MYBPC1: variants seen among roughly 807,000 people sequenced by gnomAD.
The protein encoded by MYBPC1 is myosin binding protein C1, also known as myosin-binding protein C, slow-type.
In MYBPC1, 52 loss-of-function variants were observed where a neutral mutation model predicts 147.1. That is an observed-to-expected ratio of 0.35 (90% CI 0.28 to 0.45). The LOEUF (loss-of-function observed/expected upper bound fraction) is 0.45, where lower values mean the gene tolerates loss of function less well. Among genes scored for constraint, MYBPC1 ranks in the 20% least tolerant of loss-of-function variants. MYBPC1 has a pLI of 1.00. For synonymous variants in MYBPC1, 477 were observed against 475.9 expected (o/e 1.00, Z -0.03); for missense variants, 1,228 against 1,440.3 (o/e 0.85, Z 2.39).
chr12:101,686,928 T>A (rs1951356060), downstream of MYBPC1, among the ~76,000 whole-genome samples: 1 of 152,192 alleles, frequency 6.6e-6, no homozygotes, highest in Non-Finnish European at 1.5e-5. Flanking sequence ...GTTGGTGATG[T>A]TGCCTTACTG....
Position 101,629,461 on chromosome 12 carries a change from G to C in MYBPC1, c.206G>C (p.Gly69Ala), listed in dbSNP as rs754347836. The change falls in exon 6 of 32, where the codon GGG (glycine) becomes GCG (alanine). Residue 69 changes from glycine to alanine, a missense_variant. Transcript: ENST00000361466. ...TGGACCCTTGTCGAAACTCCTCCTG[G>C]GGAGGAACAAGCCAAGCAGAATGCC... Reference protein sequence around the residue: ...SDWTLVETPPGEEQAKQNANS... With the variant: ...SDWTLVETPPAEEQAKQNANS... 1.5e-5 allele frequency: 24 copies of C among 1,613,172 alleles called. No homozygotes were observed. Among genetic ancestry groups the C allele is most frequent in the Non-Finnish European group, 2.0e-5 (24 of 1,179,266 alleles).
the MYBPC1 span, among the ~76,000 whole-genome samples, chr12:101,694,409 CA>C: frequency 2.0e-5 from 3 of 152,166 alleles, no homozygotes; most frequent in Non-Finnish European, 1.5e-5. Context: ...GCCCCTGCTC[CA>C]CCCCCAATTC....
At chr12:101,676,432 C>T (rs1032670036) in intron 26 of MYBPC1, among the ~76,000 whole-genome samples, 36 of 152,072 alleles carry the variant, frequency 2.4e-4, no homozygotes, top group African/African-American at 8.4e-4. Flanking sequence ...GAACAAGACT[C>T]CATCTCAAAA....
chr12:101,594,972 TCA>T lies in MYBPC1; in HGVS notation c.-95_-94del. On this transcript the variant is annotated 5_prime_UTR_variant, in exon 1 of 32. Coordinates refer to ENST00000361466, the MANE Select transcript of MYBPC1 (RefSeq NM_002465.4). ...CACTGGGTTTCTCCCCAACTGCTTG[TCA>T]CACCGACCTGCACCATCTCTCGCCT... is the stretch of plus-strand genomic sequence containing the variant. 8.5e-7 allele frequency: 1 copy of T among 1,173,820 alleles called. No homozygotes were observed. Among genetic ancestry groups the T allele is most frequent in the Non-Finnish European group, 1.3e-6 (1 of 793,178 alleles). 72.7% of individuals were successfully genotyped at this position (1,173,820 alleles called of 1,614,324 possible). A position where few individuals can be genotyped will look rare whatever the true frequency, so the allele number is the denominator to read the frequency against.
In MYBPC1 at chr12:101,651,251, A is replaced by C. The variant is rs1450198189; in HGVS notation, c.1384A>C (p.Thr462Pro). ...SVDLKPLKIL[T>P]PLTDQTVNLG... ...TACAGTGAAACCTCTGAAGATTTTG[A>C]CACCTCTGACTGATCAGACTGTAAA... The change falls in exon 16 of 32, where the codon ACA (threonine) becomes CCA (proline). Residue 462 changes from threonine to proline, a missense_variant. By Grantham distance (38) the Thr-to-Pro change is conservative. Transcript: ENST00000361466. 6.2e-7 allele frequency: 1 copy of C among 1,614,056 alleles called. No homozygotes were observed. The highest frequency in any genetic ancestry group is 1.1e-5 in the South Asian group (1 of 91,084).
the MYBPC1 span, among the ~76,000 whole-genome samples, chr12:101,692,457 C>T: frequency 6.6e-6 from 1 of 152,186 alleles, no homozygotes; most frequent in Admixed American, 6.5e-5. Context: ...AATCAGACTA[C>T]ACGGGCTTGA....
intron 1 of MYBPC1, among the ~76,000 whole-genome samples, chr12:101,602,827 AG>A (rs763763899): frequency 6.6e-6 from 1 of 152,220 alleles, no homozygotes; most frequent in Non-Finnish European, 1.5e-5. Context: ...ATCAAATAAA[AG>A]GTCTATACTC....
In MYBPC1 at chr12:101,631,572, T is replaced by C; in HGVS notation, c.291T>C (p.Gly97=). The C allele has an allele frequency of 6.2e-7, 1 of 1,613,956 alleles. No homozygotes were observed. Among genetic ancestry groups the C allele is most frequent in the South Asian group, 1.1e-5 (1 of 91,004 alleles). Residue 97 remains glycine (G), a splice_region_variant and synonymous_variant, in exon 7 of 32, where the codon GGT becomes GGC. Transcript: ENST00000361466. ...CTGAATCCCTTATGCTTCTTCTAGGTGAAGATATCACCTTCATAGCCAAAG... is the reference window on the plus strand; with the variant it reads ...CTGAATCCCTTATGCTTCTTCTAGGCGAAGATATCACCTTCATAGCCAAAG... ...EKPQGGTVKV[G]EDITFIAKVK...
In MYBPC1 at chr12:101,609,986, G is replaced by A. The variant is rs117485721; in HGVS notation, c.26-4510G>A. Among the ~76,000 whole-genome samples the A allele has an allele frequency of 4.4e-3, 664 of 152,248 alleles. 26 individuals carry two copies. Among genetic ancestry groups the A allele is most frequent in the Admixed American group, 0.035 (537 of 15,286 alleles). On this transcript the variant is annotated intron_variant, in intron 1 of 31. Coordinates refer to ENST00000361466, the MANE Select transcript of MYBPC1 (RefSeq NM_002465.4). The stretch of plus-strand genomic sequence containing the variant: ...ACATGTAAATTATTTTTAGAGAAGC[G>A]GGCAAAGCTAGCCATGACAGGACCT...
At chr12:101,602,063 T>C (rs1441840238) in intron 1 of MYBPC1, among the ~76,000 whole-genome samples, 1 of 152,204 alleles carries the variant, frequency 6.6e-6, no homozygotes. Context: ...TAGAACATTC[T>C]AGACAGCTCA....
chr12:101,678,362 G>A, intron 28 of MYBPC1, 124 bp downstream of exon 28: 1 of 1,329,408 alleles, frequency 7.5e-7, no homozygotes, highest in Non-Finnish European at 1.1e-6. Context: ...GGATTAGAAG[G>A]TGGTAGTGGT....
chr12:101,694,159 G>T, the MYBPC1 span, among the ~76,000 whole-genome samples: 123,064 of 152,186 alleles, frequency 0.81, 50,146 homozygotes, highest in African/African-American at 0.92. Context: ...CCCAGCTGTA[G>T]TCTAAAAAAT....
chr12:101,678,323 AGCT>A, intron 28 of MYBPC1, 85 bp downstream of exon 28: 1 of 1,562,846 alleles, frequency 6.4e-7, no homozygotes, highest in Non-Finnish European at 8.8e-7. Context: ...AAACAAATCC[AGCT>A]GCTACTTGTG....
At chr12:101,678,363 T>TG (rs1900513744) in intron 28 of MYBPC1, 125 bp downstream of exon 28, 2 of 1,330,620 alleles carry the variant, frequency 1.5e-6, no homozygotes. Flanking sequence ...GATTAGAAGG[T>TG]GGTAGTGGTG....
chr12:101,626,865 G>A lies in MYBPC1; in HGVS notation c.104-7G>A. 3 of 1,611,182 alleles carry A rather than the reference G, an allele frequency of 1.9e-6. No individual in the cohort carries two copies. Among genetic ancestry groups the A allele is most frequent in the Non-Finnish European group, 2.5e-6 (3 of 1,177,356 alleles). ...CCTTGACTTTTTACTCCTATTTCTTGTTTCAGATGAAGAGGAAGTCTCCCC... is the reference window on the plus strand; with the variant it reads ...CCTTGACTTTTTACTCCTATTTCTTATTTCAGATGAAGAGGAAGTCTCCCC... On this transcript the variant is annotated splice_polypyrimidine_tract_variant and splice_region_variant and intron_variant, in intron 3 of 31. Coordinates refer to ENST00000361466, the MANE Select transcript of MYBPC1 (RefSeq NM_002465.4).
At chr12:101,600,846 A>T (rs566298976) in intron 1 of MYBPC1, among the ~76,000 whole-genome samples, 1 of 152,362 alleles carries the variant, frequency 6.6e-6, no homozygotes, top group South Asian at 2.1e-4. Context: ...TAGATGATAA[A>T]GAACAGGATT....
chr12:101,648,604 T>C (rs1182502505), intron 14 of MYBPC1, among the ~76,000 whole-genome samples: 1 of 152,250 alleles, frequency 6.6e-6, no homozygotes, highest in Non-Finnish European at 1.5e-5. Context: ...GAAAAGTTTC[T>C]ATTTGATTTC....
At chr12:101,693,097 C>T in the MYBPC1 span, among the ~76,000 whole-genome samples, 4 of 152,096 alleles carry the variant, frequency 2.6e-5, no homozygotes, top group Admixed American at 1.3e-4. Context: ...CAGGTGCCCA[C>T]CACCACGCGC....
intron 22 of MYBPC1, chr12:101,666,611 G>T: frequency 2.2e-6 from 2 of 907,494 alleles, no homozygotes; most frequent in East Asian, 2.6e-5. Context: ...GGTCTCTTCC[G>T]TCACTGCTCT....
Sources: gnomAD v4.1 joint callset for allele counts (sites outside exome capture counted in the v4.1 genomes callset) on GRCh38, gnomAD v4.1.1 for gene constraint, MANE v1.5 for transcripts, NCBI Gene and HGNC (gene_info 2026-07-23, HGNC 2026-07-21) for gene names.